The following ODAD2 variants were observed in gnomAD, a reference collection of about 807,000 sequenced individuals.
ODAD2 encodes the protein outer dynein arm-docking complex subunit 2.
ODAD2 carries 89 observed loss-of-function variants against 106.8 expected under a neutral mutation model. The observed-to-expected ratio is 0.83, with a 90% CI of 0.70 to 0.99. The LOEUF (loss-of-function observed/expected upper bound fraction) is 0.99, where lower values mean the gene tolerates loss of function less well. Ranked by LOEUF, ODAD2 falls within the 50% of genes least tolerant of loss-of-function variation. The pLI, the probability that ODAD2 is intolerant of heterozygous loss-of-function variation, is 0.00. For synonymous variants in ODAD2, 404 were observed against 436.2 expected (o/e 0.93, Z 0.92); for missense variants, 1,168 against 1,238.5 (o/e 0.94, Z 0.85).
chr10:27,863,270 T>TCTGGTG (rs1840194421), intron 17 of ODAD2, among the ~76,000 whole-genome samples: 2 of 152,036 alleles, frequency 1.3e-5, no homozygotes, highest in Non-Finnish European at 1.5e-5. Flanking sequence ...CAGCACCACA[T>TCTGGTG]CTGGGGGCCA....
chr10:27,936,887 G>A lies in ODAD2; in HGVS notation c.2098-7C>T, dbSNP rs201456745. 10 of 1,591,644 alleles carry A rather than the reference G, an allele frequency of 6.3e-6. No individual in the cohort carries two copies. Among genetic ancestry groups the A allele is most frequent in the East Asian group, 4.5e-5 (2 of 44,312 alleles). ...TTTCCTTATCTTCAGCACACTGCACGAAAAGTCAGACAGAGGCTGTCAGTC... is the reference window on the plus strand; with the variant it reads ...TTTCCTTATCTTCAGCACACTGCACAAAAAGTCAGACAGAGGCTGTCAGTC... On this transcript the variant is annotated splice_polypyrimidine_tract_variant and splice_region_variant and intron_variant, in intron 14 of 19. Coordinates refer to ENST00000305242, the MANE Select transcript of ODAD2 (RefSeq NM_018076.5).
At chr10:27,977,489 C>A (rs1588648056) in intron 7 of ODAD2, among the ~76,000 whole-genome samples, 1 of 151,856 alleles carries the variant, frequency 6.6e-6, no homozygotes, top group East Asian at 1.9e-4. Context: ...ACGTTGTGAA[C>A]CCAGGAGGTG....
At chr10:27,847,182 C>A (rs890670810) in intron 19 of ODAD2, among the ~76,000 whole-genome samples, 1 of 151,946 alleles carries the variant, frequency 6.6e-6, no homozygotes, top group Non-Finnish European at 1.5e-5. Flanking sequence ...CAATAAAATA[C>A]TGGCAAACTG....
At chr10:27,989,772 C>T (rs554943124) in intron 2 of ODAD2, among the ~76,000 whole-genome samples, 9 of 152,004 alleles carry the variant, frequency 5.9e-5, no homozygotes, top group East Asian at 1.9e-4. Flanking sequence ...CACTTGAGCC[C>T]GGGAGGCGGG....
chr10:27,920,825 T>A (rs1844723971), intron 16 of ODAD2, among the ~76,000 whole-genome samples: 1 of 152,032 alleles, frequency 6.6e-6, no homozygotes, highest in Admixed American at 6.6e-5. Flanking sequence ...TTTTTTCTCC[T>A]TTTTACAAAG....
intron 16 of ODAD2, among the ~76,000 whole-genome samples, chr10:27,911,553 T>C (rs543927517): frequency 2.0e-5 from 3 of 152,140 alleles, no homozygotes; most frequent in Non-Finnish European, 4.4e-5. Flanking sequence ...GAGTTTCACA[T>C]GAACACAGAC....
chr10:27,837,461 T>A (rs989102783), intron 19 of ODAD2, among the ~76,000 whole-genome samples: 1 of 152,250 alleles, frequency 6.6e-6, no homozygotes, highest in Non-Finnish European at 1.5e-5. Flanking sequence ...AGAAATTTGA[T>A]CAGGTTTCCA....
Position 27,812,402 on chromosome 10 carries a change from T to C in ODAD2, c.*110A>G. On this transcript the variant is annotated 3_prime_UTR_variant, in exon 20 of 20. Coordinates refer to ENST00000305242, the MANE Select transcript of ODAD2 (RefSeq NM_018076.5). The stretch of plus-strand genomic sequence containing the variant: ...TTCAATTTGTGTGTTTTCATTTAGA[T>C]GGTTGAAAGGGTTTGCTAACAACTG... 3.2e-6 allele frequency: 3 copies of C among 928,974 alleles called. No individual in the cohort carries two copies. The highest frequency in any genetic ancestry group is 1.7e-5 in the South Asian group (1 of 59,040). The allele number at this position is 928,974 out of a possible 1,614,324, so 57.5% of individuals were successfully genotyped here.
chr10:27,916,480 T>C (rs1844386121), intron 16 of ODAD2, among the ~76,000 whole-genome samples: 9 of 151,476 alleles, frequency 5.9e-5, no homozygotes, highest in Admixed American at 5.9e-4. Flanking sequence ...AGTTGACCCT[T>C]GAATAACATG....
intron 19 of ODAD2, among the ~76,000 whole-genome samples, chr10:27,857,226 TC>T (rs1400474699): frequency 6.6e-6 from 1 of 152,192 alleles, no homozygotes. Flanking sequence ...ATGATCCACT[TC>T]CATTTAATAA....
At chr10:27,837,937 G>A (rs1452074191) in intron 19 of ODAD2, among the ~76,000 whole-genome samples, 4 of 151,860 alleles carry the variant, frequency 2.6e-5, no homozygotes, top group African/African-American at 7.3e-5. Context: ...TTTTATTTCC[G>A]AAGACATTTC....
Position 27,812,611 on chromosome 10 carries a change from CATATCCAGTA to C in ODAD2, c.3026_3035del (p.Leu1009ArgfsTer36). On this transcript the variant is annotated frameshift_variant, in exon 20 of 20. Transcript: ENST00000305242. LOFTEE classifies it high-confidence loss of function. ...GGAGATCCTGGTCAGGGGACCCAAC[CATATCCAGTA>C]GAAGCTGTCACACATAAGGAGGAGA... 6.2e-7 allele frequency: 1 copy of C among 1,603,780 alleles called. No homozygotes were observed. Among genetic ancestry groups the C allele is most frequent in the Non-Finnish European group, 8.5e-7 (1 of 1,177,422 alleles).
chr10:27,966,343 T>A (rs1368522139), intron 9 of ODAD2, among the ~76,000 whole-genome samples: 1 of 152,180 alleles, frequency 6.6e-6, no homozygotes, highest in Non-Finnish European at 1.5e-5. Context: ...TAAGCCTAAG[T>A]TCTTTGAGGA....
chr10:27,941,511 A>T (rs1472906803), intron 12 of ODAD2, among the ~76,000 whole-genome samples: 2 of 150,914 alleles, frequency 1.3e-5, no homozygotes, highest in African/African-American at 4.9e-5. Context: ...AAAAAAAAAA[A>T]ACCATGAGAT....
At chr10:27,955,280 G>A (rs1442290164) in intron 10 of ODAD2, among the ~76,000 whole-genome samples, 1 of 151,924 alleles carries the variant, frequency 6.6e-6, no homozygotes, top group Non-Finnish European at 1.5e-5. Context: ...GTCTAATATG[G>A]CCTTCCAAAC....
intron 3 of ODAD2, among the ~76,000 whole-genome samples, chr10:27,986,087 T>C (rs1389126812): frequency 6.6e-6 from 1 of 152,162 alleles, no homozygotes; most frequent in Non-Finnish European, 1.5e-5. Flanking sequence ...GGCATTAACA[T>C]TCCCATGTGG....
intron 19 of ODAD2, among the ~76,000 whole-genome samples, chr10:27,848,541 A>C (rs1461128814): frequency 4.6e-5 from 7 of 152,236 alleles, no homozygotes; most frequent in Non-Finnish European, 1.0e-4. Context: ...ATGGTAACAA[A>C]AGCCAAAATT....
At chr10:27,961,273 C>T (rs1373099847) in intron 10 of ODAD2, among the ~76,000 whole-genome samples, 2 of 152,128 alleles carry the variant, frequency 1.3e-5, no homozygotes, top group African/African-American at 4.8e-5. Flanking sequence ...GTTATTTCTT[C>T]CATACCATAC....
chr10:27,819,516 A>G (rs1836424744), intron 19 of ODAD2, among the ~76,000 whole-genome samples: 1 of 140,188 alleles, frequency 7.1e-6, no homozygotes, highest in Admixed American at 7.3e-5. Context: ...AGGCAGGAGG[A>G]TGGCTTGAAG....
Sources: gnomAD v4.1 joint callset for allele counts (sites outside exome capture counted in the v4.1 genomes callset) on GRCh38, gnomAD v4.1.1 for gene constraint, MANE v1.5 for transcripts, NCBI Gene and HGNC (gene_info 2026-07-23, HGNC 2026-07-21) for gene names.